Variants in SNX10 observed in about 807,000 individuals in gnomAD.
The protein encoded by SNX10 is sorting nexin-10.
SNX10 carries 25 observed loss-of-function variants against 28.5 expected under a neutral mutation model. The observed-to-expected ratio is 0.88, with a 90% CI of 0.64 to 1.22. SNX10 has a LOEUF of 1.22. SNX10 is among the 50% of genes most tolerant of loss of function. SNX10 has a pLI of 0.00. For missense variants in SNX10, 223 were observed against 242.6 expected, an observed-to-expected ratio of 0.92 and a Z score of 0.54; for synonymous variants, 62 against 81.4, an observed-to-expected ratio of 0.76 and a Z score of 1.28.
chr7:26,325,534 G>A (rs369757223), intron 1 of SNX10, among the ~76,000 whole-genome samples: 2 of 149,804 alleles, frequency 1.3e-5, no homozygotes, highest in Non-Finnish European at 3.0e-5. Context: ...GGCTGGTCTC[G>A]AACTCCTAAC....
Position 26,309,292 on chromosome 7 carries a change from G to A in SNX10, c.-24+17206G>A, listed in dbSNP as rs376185697. On this transcript the variant is annotated intron_variant, in intron 1 of 6. Coordinates refer to ENST00000338523, the MANE Select transcript of SNX10 (RefSeq NM_013322.3). Reference sequence around the variant, plus strand: ...TCTGGCACATCACAGTGAGCATTGCGTTAGAAGTGGCCTGTTTCATATCTG... The same window carrying A: ...TCTGGCACATCACAGTGAGCATTGCATTAGAAGTGGCCTGTTTCATATCTG... Among the ~76,000 whole-genome samples the A allele has an allele frequency of 5.0e-4, 75 of 151,398 alleles. 1 individual carries two copies. The highest frequency in any genetic ancestry group is 1.7e-3 in the African/African-American group (72 of 41,160).
intron 2 of SNX10, among the ~76,000 whole-genome samples, chr7:26,348,523 T>TG (rs1379975460): frequency 1.3e-5 from 2 of 152,150 alleles, no homozygotes; most frequent in Non-Finnish European, 2.9e-5. Context: ...GGCAGTCAGG[T>TG]GGGGTCCAAG....
chr7:26,323,669 C>G (rs76589172), intron 1 of SNX10, among the ~76,000 whole-genome samples: 1,768 of 152,234 alleles, frequency 0.012, 36 homozygotes, highest in African/African-American at 0.04. Flanking sequence ...GGGGTTTGAT[C>G]TGAATTTTAC....
At chr7:26,356,294 T>G (rs973018535) in intron 2 of SNX10, among the ~76,000 whole-genome samples, 1 of 152,316 alleles carries the variant, frequency 6.6e-6, no homozygotes, top group Admixed American at 6.5e-5. Context: ...ATACTACATA[T>G]AGTCATTAGG....
intron 2 of SNX10, among the ~76,000 whole-genome samples, chr7:26,356,165 T>C (rs1788810222): frequency 6.6e-6 from 1 of 152,176 alleles, no homozygotes; most frequent in Admixed American, 6.5e-5. Flanking sequence ...TATTATAGGA[T>C]AACACAGGAA....
intron 1 of SNX10, among the ~76,000 whole-genome samples, chr7:26,313,673 T>G (rs189777419): frequency 6.6e-6 from 1 of 152,164 alleles, no homozygotes; most frequent in Non-Finnish European, 1.5e-5. Context: ...CCCCTGTTTG[T>G]CCCCACATTC....
chr7:26,312,956 A>G (rs935360338), intron 1 of SNX10, among the ~76,000 whole-genome samples: 2 of 152,238 alleles, frequency 1.3e-5, no homozygotes, highest in African/African-American at 2.4e-5. Flanking sequence ...CAGGAAAACA[A>G]CCCACTCATT....
At position 26,328,970 on chromosome 7, in the gene SNX10, T is replaced by C. The variant is rs540824101; in HGVS notation, c.-23-17450T>C. Among the ~76,000 whole-genome samples, 8 of 152,254 alleles carry C rather than the reference T, an allele frequency of 5.3e-5. No individual in the cohort carries two copies. The South Asian group carries it at 1.5e-3, about 28-fold the overall frequency. On this transcript the variant is annotated intron_variant, in intron 1 of 6. Coordinates refer to ENST00000338523, the MANE Select transcript of SNX10 (RefSeq NM_013322.3). ...CCTTGTACACACCTCCACTGCTGCTTCTCAGTCTGGACCACCATCACCTCT... is the reference window on the plus strand; with the variant it reads ...CCTTGTACACACCTCCACTGCTGCTCCTCAGTCTGGACCACCATCACCTCT...
chr7:26,370,019 T>C (rs1789453185), intron 5 of SNX10, among the ~76,000 whole-genome samples: 2 of 152,198 alleles, frequency 1.3e-5, no homozygotes, highest in Non-Finnish European at 2.9e-5. Flanking sequence ...GTGTAATGCC[T>C]CAAACCATCT....
intron 1 of SNX10, 55 bp from the exon 2 acceptor site, chr7:26,346,365 A>T: frequency 9.4e-7 from 1 of 1,067,248 alleles, no homozygotes; most frequent in Non-Finnish European, 1.5e-6. Flanking sequence ...TGAGTGGTGT[A>T]TCCACTCCAG....
intron 1 of SNX10, among the ~76,000 whole-genome samples, chr7:26,316,010 G>C (rs1055882721): frequency 6.6e-6 from 1 of 151,530 alleles, no homozygotes; most frequent in Admixed American, 6.6e-5. Context: ...GTGAAACCCC[G>C]TCTCTACTAA....
At position 26,344,076 on chromosome 7, in the gene SNX10, T is replaced by A. The variant is rs139771921; in HGVS notation, c.-23-2344T>A. On this transcript the variant is annotated intron_variant, in intron 1 of 6. Coordinates refer to ENST00000338523, the MANE Select transcript of SNX10 (RefSeq NM_013322.3). ...GTTGTGCCGTTGATCTCCTGAACTC[T>A]TTTCATCTTGCACAACTGAAACTCT... Among the ~76,000 whole-genome samples, 559 of 152,230 alleles carry A rather than the reference T, an allele frequency of 3.7e-3. 3 individuals carry two copies. The highest frequency in any genetic ancestry group is 0.013 in the African/African-American group (534 of 41,544).
intron 5 of SNX10, among the ~76,000 whole-genome samples, chr7:26,369,612 C>A (rs996656586): frequency 1.3e-5 from 2 of 152,196 alleles, no homozygotes; most frequent in African/African-American, 4.8e-5. Flanking sequence ...GGTTTGAACT[C>A]TAGGCCTGGG....
chr7:26,364,966 T>TTGCCTTCACTTTGAGGGATTTC lies in SNX10; in HGVS notation c.213-78_213-57dup. ...TGTGATAATAATCATCATACATAATTTGCCTTCACTTTGAGGGATTTCTGT... is the reference window on the plus strand; with the variant it reads ...TGTGATAATAATCATCATACATAATTTGCCTTCACTTTGAGGGATTTCTGCCTTCACTTTGAGGGATTTCTGT... On this transcript the variant is annotated intron_variant, in intron 4 of 6. Transcript: ENST00000338523. The surrounding 1 kb of genome is among the most constrained non-coding windows in gnomAD (Gnocchi z 4.9). 1.3e-6 allele frequency: 1 copy of TTGCCTTCACTTTGAGGGATTTC among 763,434 alleles called. No homozygotes were observed. The highest frequency in any genetic ancestry group is 2.5e-5 in the East Asian group (1 of 39,922). 47.3% of individuals were successfully genotyped at this position (763,434 alleles called of 1,614,324 possible). A position where few individuals can be genotyped will look rare whatever the true frequency, so the allele number is the denominator to read the frequency against.
At chr7:26,342,407 G>T (rs1432274821) in intron 1 of SNX10, among the ~76,000 whole-genome samples, 1 of 152,126 alleles carries the variant, frequency 6.6e-6, no homozygotes. Flanking sequence ...ATACAATTGC[G>T]CTGTCATTGA....
intron 1 of SNX10, among the ~76,000 whole-genome samples, chr7:26,328,064 A>T (rs1208055142): frequency 6.6e-6 from 1 of 152,056 alleles, no homozygotes; most frequent in East Asian, 1.9e-4. Flanking sequence ...TCATTTACTG[A>T]ACCACTTGCT....
At chr7:26,312,408 C>T (rs1786883508) in intron 1 of SNX10, among the ~76,000 whole-genome samples, 1 of 152,060 alleles carries the variant, frequency 6.6e-6, no homozygotes, top group Admixed American at 6.5e-5. Flanking sequence ...TTCCCTAATA[C>T]AAAAAGAACT....
intron 2 of SNX10, among the ~76,000 whole-genome samples, chr7:26,347,426 T>C (rs10246401): frequency 0.37 from 55,717 of 152,068 alleles, 10,802 homozygotes; most frequent in South Asian, 0.6. Flanking sequence ...TGTGGTCCTA[T>C]GTACTCAGGA....
At chr7:26,322,926 T>G (rs1787362593) in intron 1 of SNX10, among the ~76,000 whole-genome samples, 1 of 152,092 alleles carries the variant, frequency 6.6e-6, no homozygotes, top group Non-Finnish European at 1.5e-5. Context: ...ATAGTATAGA[T>G]TCAGGTTGTG....
Sources: allele counts gnomAD v4.1 joint callset (sites outside exome capture counted in the v4.1 genomes callset), GRCh38; gene constraint gnomAD v4.1.1; non-coding constraint Gnocchi (gnomAD v3.1); transcripts MANE v1.5; gene names NCBI Gene and HGNC (gene_info 2026-07-23, HGNC 2026-07-21).